The following EPB41L4A variants were observed in gnomAD, a reference collection of about 807,000 sequenced individuals.
EPB41L4A encodes the protein band 4.1-like protein 4A.
A neutral mutation model predicts 108.6 loss-of-function variants in EPB41L4A; 100 were observed. That is an observed-to-expected ratio of 0.92 (90% confidence interval 0.78 to 1.09). EPB41L4A has a LOEUF of 1.09. Among genes scored for constraint, EPB41L4A ranks in the 50% least tolerant of loss-of-function variants. The pLI is 0.00. For synonymous variants in EPB41L4A, 319 were observed against 289.0 expected (o/e 1.10, Z -1.05); for missense variants, 1,030 against 842.7 (o/e 1.22, Z -2.75).
intron 15 of EPB41L4A, among the ~76,000 whole-genome samples, chr5:112,203,827 A>G (rs1054611092): frequency 2.0e-5 from 3 of 152,040 alleles, no homozygotes; most frequent in Non-Finnish European, 4.4e-5. Context: ...GGATCACCTG[A>G]GGTTGGGAGT....
chr5:112,296,862 G>GT (rs1754018839), intron 2 of EPB41L4A, among the ~76,000 whole-genome samples: 2 of 151,956 alleles, frequency 1.3e-5, no homozygotes, highest in Admixed American at 1.3e-4. Context: ...TACAATATTT[G>GT]TTTTTCCATT....
intron 6 of EPB41L4A, among the ~76,000 whole-genome samples, chr5:112,262,964 G>T (rs1751596933): frequency 6.6e-6 from 1 of 152,102 alleles, no homozygotes; most frequent in Admixed American, 6.6e-5. Context: ...CAAAGCAAAG[G>T]GAACTAGAGC....
chr5:112,310,271 C>A (rs1440641085), intron 1 of EPB41L4A, among the ~76,000 whole-genome samples: 4 of 152,226 alleles, frequency 2.6e-5, no homozygotes, highest in Non-Finnish European at 5.9e-5. Context: ...TATTCCCTAT[C>A]GGTCTTATTC....
chr5:112,410,683 G>T (rs1286010908), intron 1 of EPB41L4A, among the ~76,000 whole-genome samples: 1 of 152,042 alleles, frequency 6.6e-6, no homozygotes, highest in East Asian at 1.9e-4. Context: ...CTCCCACCCA[G>T]CTTCAGGAAA....
intron 1 of EPB41L4A, among the ~76,000 whole-genome samples, chr5:112,340,692 T>A (rs1757257671): frequency 6.6e-6 from 1 of 152,210 alleles, no homozygotes; most frequent in Non-Finnish European, 1.5e-5. Flanking sequence ...AGTTCTGATG[T>A]AACTACATGT....
At chr5:112,303,364 C>T (rs1754494002) in intron 2 of EPB41L4A, among the ~76,000 whole-genome samples, 1 of 152,118 alleles carries the variant, frequency 6.6e-6, no homozygotes, top group African/African-American at 2.4e-5. Context: ...CAAATATTAA[C>T]ACATACACAG....
intron 2 of EPB41L4A, among the ~76,000 whole-genome samples, chr5:112,283,749 G>A (rs1343138112): frequency 6.6e-6 from 1 of 152,144 alleles, no homozygotes; most frequent in Non-Finnish European, 1.5e-5. Context: ...AATGAGACCC[G>A]TGACTAACCT....
chr5:112,323,106 G>A (rs985257405), intron 1 of EPB41L4A, among the ~76,000 whole-genome samples: 15 of 152,088 alleles, frequency 9.9e-5, no homozygotes, highest in African/African-American at 3.4e-4. Context: ...AAACATTGTA[G>A]GTAAAAATAT....
At chr5:112,414,408 C>T (rs1762584112) in intron 1 of EPB41L4A, among the ~76,000 whole-genome samples, 2 of 152,162 alleles carry the variant, frequency 1.3e-5, no homozygotes, top group Admixed American at 1.3e-4. Context: ...TTATGCCCAT[C>T]AGGGAAGATC....
At chr5:112,382,934 A>C (rs1760265711) in intron 1 of EPB41L4A, among the ~76,000 whole-genome samples, 1 of 152,216 alleles carries the variant, frequency 6.6e-6, no homozygotes, top group Non-Finnish European at 1.5e-5. Flanking sequence ...TTGAATTGGA[A>C]CTGTGTGGAA....
intron 2 of EPB41L4A, among the ~76,000 whole-genome samples, chr5:112,306,620 G>A (rs1348073147): frequency 1.3e-5 from 2 of 152,112 alleles, no homozygotes; most frequent in Non-Finnish European, 2.9e-5. Context: ...TAAAAGGCAA[G>A]TCAAATAGGG....
chr5:112,332,235 CCTAA>C (rs749760565), intron 1 of EPB41L4A, among the ~76,000 whole-genome samples: 12 of 152,280 alleles, frequency 7.9e-5, no homozygotes, highest in Non-Finnish European at 1.2e-4. Flanking sequence ...GTTCTCTATT[CCTAA>C]CTATCATCCC....
chr5:112,232,476 A>G (rs1206746236), intron 12 of EPB41L4A, among the ~76,000 whole-genome samples: 3 of 152,206 alleles, frequency 2.0e-5, no homozygotes, highest in Non-Finnish European at 4.4e-5. Context: ...TATTCTTGTC[A>G]GTGTAGAACC....
intron 1 of EPB41L4A, among the ~76,000 whole-genome samples, chr5:112,412,356 G>A (rs896146264): frequency 6.6e-6 from 1 of 152,196 alleles, no homozygotes. Flanking sequence ...TCCAGACCTT[G>A]ATGAATCTCT....
intron 1 of EPB41L4A, among the ~76,000 whole-genome samples, chr5:112,321,582 TTAA>T (rs1755783166): frequency 1.3e-5 from 2 of 152,334 alleles, no homozygotes; most frequent in Admixed American, 1.3e-4. Context: ...CTGAGCTATT[TTAA>T]TAATGTTTAT....
chr5:112,239,871 T>A, intron 10 of EPB41L4A, 134 bp from the exon 11 acceptor site: 1 of 493,004 alleles, frequency 2.0e-6, no homozygotes, highest in Non-Finnish European at 3.6e-6. Context: ...ATCATGCAAT[T>A]CATACTCCAT....
chr5:112,216,904 T>A (rs1747682180), intron 12 of EPB41L4A, among the ~76,000 whole-genome samples: 1 of 152,214 alleles, frequency 6.6e-6, no homozygotes, highest in Non-Finnish European at 1.5e-5. Context: ...ACATTCTTTT[T>A]CTATACCACA....
At chr5:112,406,842 C>T (rs1347660785) in intron 1 of EPB41L4A, among the ~76,000 whole-genome samples, 1 of 152,104 alleles carries the variant, frequency 6.6e-6, no homozygotes, top group East Asian at 1.9e-4. Flanking sequence ...TGTGCTAAGT[C>T]TCTGTTCCCT....
chr5:112,158,170 T>C (rs1303315452), downstream of EPB41L4A, among the ~76,000 whole-genome samples: 1 of 152,142 alleles, frequency 6.6e-6, no homozygotes, highest in Non-Finnish European at 1.5e-5. Flanking sequence ...AAGAGGAAAG[T>C]GGGAGCAATA....
Sources: allele counts gnomAD v4.1 joint callset (sites outside exome capture counted in the v4.1 genomes callset), GRCh38; gene constraint gnomAD v4.1.1; transcripts MANE v1.5; gene names NCBI Gene and HGNC (gene_info 2026-07-23, HGNC 2026-07-21).